LIN7A: variants seen among roughly 807,000 people sequenced by gnomAD.
LIN7A encodes protein lin-7 homolog A.
In LIN7A, 25 loss-of-function variants were observed where a neutral mutation model predicts 29.8. The observed-to-expected ratio is 0.84, with a 90% CI of 0.61 to 1.17. LIN7A has a LOEUF of 1.17. Ranked by LOEUF, LIN7A falls within the 50% of genes most tolerant of loss-of-function variation. LIN7A has a pLI of 0.00. For synonymous variants in LIN7A, 118 were observed against 107.5 expected (o/e 1.10, Z -0.60); for missense variants, 239 against 287.0 (o/e 0.83, Z 1.21).
intron 1 of LIN7A, among the ~76,000 whole-genome samples, chr12:80,892,866 T>G (rs1252589133): frequency 6.6e-6 from 1 of 152,152 alleles, no homozygotes; most frequent in Admixed American, 6.5e-5. Context: ...AAATCCCCTG[T>G]GTGATTCTAA....
intron 2 of LIN7A, among the ~76,000 whole-genome samples, chr12:80,866,790 T>G (rs76354082): frequency 1.3e-5 from 2 of 152,132 alleles, no homozygotes; most frequent in Non-Finnish European, 2.9e-5. Context: ...GACCATTTTT[T>G]CATGAAGAAC....
At chr12:80,848,662 G>A (rs751612250) in intron 2 of LIN7A, among the ~76,000 whole-genome samples, 15 of 151,942 alleles carry the variant, frequency 9.9e-5, no homozygotes, top group Admixed American at 6.6e-5. Flanking sequence ...GATGCCTTGA[G>A]GAAGATGTTT....
chr12:80,844,582 C>T (rs1872971402), intron 4 of LIN7A, among the ~76,000 whole-genome samples: 1 of 151,906 alleles, frequency 6.6e-6, no homozygotes, highest in African/African-American at 2.4e-5. Context: ...TCCTTAAGTT[C>T]TTAGAAAAAA....
chr12:80,817,022 C>G (rs1871569410), intron 4 of LIN7A, among the ~76,000 whole-genome samples: 1 of 152,218 alleles, frequency 6.6e-6, no homozygotes, highest in Admixed American at 6.5e-5. Context: ...CCTGCTTCAG[C>G]CTCGCAAAGT....
At chr12:80,856,251 C>A (rs1873592429) in intron 2 of LIN7A, among the ~76,000 whole-genome samples, 1 of 152,122 alleles carries the variant, frequency 6.6e-6, no homozygotes, top group African/African-American at 2.4e-5. Flanking sequence ...TCTCTGCAGC[C>A]ATCAACTTCG....
In LIN7A at chr12:80,916,059, C is replaced by T. The variant is rs1877016677; in HGVS notation, c.82+21582G>A. Among the ~76,000 whole-genome samples, 3 of 152,170 alleles carry T rather than the reference C, an allele frequency of 2.0e-5. No individual in the cohort carries two copies. In the South Asian group the frequency reaches 6.2e-4, roughly 31 times the overall value. On this transcript the variant is annotated intron_variant, in intron 1 of 5. Coordinates refer to ENST00000552864, the MANE Select transcript of LIN7A (RefSeq NM_004664.4). ...TTTGAGGGGGAAAAAATCCTGTTTA[C>T]TAAGGCTTCCAAAGGCAACCAGAAT...
Position 80,937,593 on chromosome 12 carries a change from G to A in LIN7A, c.82+48C>T, listed in dbSNP as rs1878312760. The A allele has an allele frequency of 3.0e-6, 4 of 1,326,994 alleles. No homozygotes were observed. The South Asian group carries it at 4.6e-5, about 15-fold the overall frequency. 82.2% of individuals were successfully genotyped at this position (1,326,994 alleles called of 1,614,324 possible). On this transcript the variant is annotated intron_variant, in intron 1 of 5. Coordinates refer to ENST00000552864, the MANE Select transcript of LIN7A (RefSeq NM_004664.4). ...TGGGAATTGGCAGGCGGGGAAGGGAGGAGGGGAGAGGGGACGCGGTGGCCT... is the reference window on the plus strand; with the variant it reads ...TGGGAATTGGCAGGCGGGGAAGGGAAGAGGGGAGAGGGGACGCGGTGGCCT...
At chr12:80,854,451 C>G (rs79451869) in intron 2 of LIN7A, among the ~76,000 whole-genome samples, 1,601 of 116,376 alleles carry the variant, frequency 0.014, 38 homozygotes, top group African/African-American at 0.052. Context: ...ATATATACAG[C>G]AGTGTAGATG....
rs901888122 is a variant in LIN7A, at chr12:80,795,328, A to G, written c.*2399T>C. The stretch of plus-strand genomic sequence containing the variant: ...TTACTGAAGGAAAATGGTCATTTGT[A>G]TATGAGACCACTCTGACGTATAATC... On this transcript the variant is annotated 3_prime_UTR_variant, in exon 6 of 6. Transcript: ENST00000552864. 3.3e-5 allele frequency: 5 copies of G among 152,150 alleles called. No homozygotes were observed. The highest frequency in any genetic ancestry group is 5.9e-5 in the Non-Finnish European group (4 of 67,984). The allele number at this position is 152,150 out of a possible 1,614,324, so 9.4% of individuals were successfully genotyped here. A position where few individuals can be genotyped will look rare whatever the true frequency, so the allele number is the denominator to read the frequency against.
At chr12:80,836,113 A>G (rs771662358) in intron 4 of LIN7A, among the ~76,000 whole-genome samples, 43 of 152,340 alleles carry the variant, frequency 2.8e-4, no homozygotes, top group African/African-American at 1.0e-3. Flanking sequence ...TTCCTAATGC[A>G]CTTAGAGTAA....
intron 2 of LIN7A, among the ~76,000 whole-genome samples, chr12:80,860,003 T>C (rs1186724942): frequency 6.6e-6 from 1 of 152,236 alleles, no homozygotes; most frequent in Non-Finnish European, 1.5e-5. Context: ...TTCATATTAC[T>C]CCAATTTGGA....
intron 4 of LIN7A, among the ~76,000 whole-genome samples, chr12:80,820,658 C>CACACACACACACACACACACA (rs1555222245): frequency 2.0e-5 from 3 of 151,708 alleles, no homozygotes; most frequent in African/African-American, 7.3e-5. Flanking sequence ...CACACACACA[C>CACACACACACACACACACACA]CCATCTTCAG....
intron 5 of LIN7A, among the ~76,000 whole-genome samples, chr12:80,808,223 A>ATT (rs1871132752): frequency 2.6e-5 from 4 of 152,178 alleles, no homozygotes; most frequent in Non-Finnish European, 5.9e-5. Flanking sequence ...CTCATCTGCA[A>ATT]TGTTACCTCC....
At chr12:80,859,899 CT>C (rs1306303377) in intron 2 of LIN7A, among the ~76,000 whole-genome samples, 1 of 152,076 alleles carries the variant, frequency 6.6e-6, no homozygotes, top group African/African-American at 2.4e-5. Flanking sequence ...TCATTACATA[CT>C]TTTTATAATC....
chr12:80,887,748 A>G, intron 2 of LIN7A, among the ~76,000 whole-genome samples: 1 of 152,070 alleles, frequency 6.6e-6, no homozygotes, highest in East Asian at 1.9e-4. Context: ...TGTGAGTTCC[A>G]TGGTGGTAGA....
chr12:80,892,368 G>A (rs1195195800), intron 1 of LIN7A, among the ~76,000 whole-genome samples: 1 of 152,184 alleles, frequency 6.6e-6, no homozygotes, highest in African/African-American at 2.4e-5. Context: ...CTATGTCTGT[G>A]TGAACCTGTA....
At chr12:80,857,959 A>T (rs971620800) in intron 2 of LIN7A, among the ~76,000 whole-genome samples, 3 of 152,202 alleles carry the variant, frequency 2.0e-5, no homozygotes, top group Non-Finnish European at 4.4e-5. Context: ...TTCTAGAAAC[A>T]CTTAACAGAG....
intron 4 of LIN7A, among the ~76,000 whole-genome samples, chr12:80,838,166 G>A (rs534059900): frequency 6.6e-6 from 1 of 152,278 alleles, no homozygotes; most frequent in Non-Finnish European, 1.5e-5. Flanking sequence ...CCCTCATTTA[G>A]AGACTTGCCG....
In LIN7A at chr12:80,881,571, AT is replaced by A. The variant is rs559921797; in HGVS notation, c.201+7679del. 5.3e-5 allele frequency among the ~76,000 whole-genome samples: 8 copies of A among 152,274 alleles called. No homozygotes were observed. The East Asian group carries it at 5.8e-4, about 11-fold the overall frequency. ...TTAAAACATTAAATACATTAAAAAA[AT>A]ATTTTACCATGAACAATTTTTTGCA... On this transcript the variant is annotated intron_variant, in intron 2 of 5. Transcript: ENST00000552864.
Sources: gnomAD v4.1 joint callset for allele counts (sites outside exome capture counted in the v4.1 genomes callset) on GRCh38, gnomAD v4.1.1 for gene constraint, MANE v1.5 for transcripts, NCBI Gene and HGNC (gene_info 2026-07-23, HGNC 2026-07-21) for gene names.